ANKRD35: variants seen among roughly 807,000 people sequenced by gnomAD.
ANKRD35 encodes the protein ankyrin repeat domain-containing protein 35.
ANKRD35 carries 102 observed loss-of-function variants against 109.9 expected under a neutral mutation model. That is an observed-to-expected ratio of 0.93 (90% CI 0.79 to 1.09). The LOEUF is 1.09. ANKRD35 is among the 50% of genes least tolerant of loss of function. ANKRD35 has a pLI of 0.00. For synonymous variants in ANKRD35, 515 were observed against 512.4 expected (o/e 1.01, Z -0.07); for missense variants, 1,240 against 1,230.1 (o/e 1.01, Z -0.12).
intron 4 of ANKRD35, 95 bp from the exon 5 acceptor site, chr1:145,876,968 G>A (rs778974742): frequency 7.9e-7 from 1 of 1,268,542 alleles, no homozygotes; most frequent in Non-Finnish European, 1.1e-6. Context: ...GGTAATATGA[G>A]GAGGGGCAGG....
chr1:145,877,963 C>T lies in ANKRD35; in HGVS notation c.324+5G>A. 2.5e-6 allele frequency: 4 copies of T among 1,613,864 alleles called. No individual in the cohort carries two copies. The highest frequency in any genetic ancestry group is 3.4e-6 in the Non-Finnish European group (4 of 1,179,818). On this transcript the variant is annotated splice_donor_5th_base_variant and intron_variant, in intron 4 of 13. Coordinates refer to ENST00000355594, the MANE Select transcript of ANKRD35 (RefSeq NM_144698.5). The stretch of plus-strand genomic sequence containing the variant: ...ATAAGAGTGGTATCAAGGGACTGCT[C>T]TTACCTGAAGCAGAACCTTAACACA...
At chr1:145,883,047 C>T (rs1200791004) in intron 1 of ANKRD35, among the ~76,000 whole-genome samples, 1 of 149,806 alleles carries the variant, frequency 6.7e-6, no homozygotes, top group Non-Finnish European at 1.5e-5. Flanking sequence ...ACCTAATTCT[C>T]AACGTTGTAA....
chr1:145,872,671 C>T lies in ANKRD35; in HGVS notation c.2098G>A (p.Gly700Ser), dbSNP rs782573218. 1.2e-6 allele frequency: 2 copies of T among 1,614,002 alleles called. No individual in the cohort carries two copies. Among genetic ancestry groups the T allele is most frequent in the African/African-American group, 2.7e-5 (2 of 74,940 alleles). ...LRKLLASQSS[G>S]LRGLWDCLPA... ...AGGCAGTCCCACAGCCCTCGGAGAC[C>T]GCTGCTCTGGGAGGCCAGGAGCTTC... The change falls in exon 10 of 14, where the codon GGT (glycine) becomes AGT (serine). Residue 700 changes from glycine (G) to serine (S), a missense_variant. Coordinates refer to ENST00000355594, the MANE Select transcript of ANKRD35 (RefSeq NM_144698.5).
At chr1:145,879,428 G>T in intron 1 of ANKRD35, 40 bp from the exon 2 acceptor site, 1 of 1,405,804 alleles carries the variant, frequency 7.1e-7, no homozygotes, top group East Asian at 2.7e-5. Flanking sequence ...TAGGGCATGA[G>T]GGTAGTGTGG....
At chr1:145,869,972 C>T (rs587773331) in intron 10 of ANKRD35, among the ~76,000 whole-genome samples, 1 of 152,132 alleles carries the variant, frequency 6.6e-6, no homozygotes, top group South Asian at 2.1e-4. Flanking sequence ...GTCCTTATGG[C>T]TTATTGAGGC....
At position 145,885,844 on chromosome 1, in the gene ANKRD35, G is replaced by A. The variant is rs1654457223; in HGVS notation, c.-86C>T. 2.0e-6 allele frequency: 2 copies of A among 1,008,904 alleles called. No homozygotes were observed. Among genetic ancestry groups the A allele is most frequent in the Admixed American group, 3.7e-5 (2 of 54,168 alleles). 62.5% of individuals were successfully genotyped at this position (1,008,904 alleles called of 1,614,324 possible). On this transcript the variant is annotated 5_prime_UTR_variant, in exon 1 of 14. Coordinates refer to ENST00000355594, the MANE Select transcript of ANKRD35 (RefSeq NM_144698.5). ...ACCCACCGGACTTGGCTGCGGCTGT[G>A]CAAGAGACAGCTGTCAAAAAGCAGA... is the stretch of plus-strand genomic sequence containing the variant.
Position 145,872,144 on chromosome 1 carries a change from G to C in ANKRD35, c.2625C>G (p.Ala875=). The C allele has an allele frequency of 6.2e-7, 1 of 1,609,148 alleles. No homozygotes were observed. The highest frequency in any genetic ancestry group is 8.5e-7 in the Non-Finnish European group (1 of 1,178,060). Residue 875 remains alanine, a synonymous_variant, in exon 10 of 14, where the codon GCC becomes GCG. Coordinates refer to ENST00000355594, the MANE Select transcript of ANKRD35 (RefSeq NM_144698.5). ...REVGRLREAV[A]EERRRSGDLA... ...GGTCCCCGCTCCGGCGGCGCTCCTC[G>C]GCCACCGCCTCCCGCAGCCGACCCA...
intron 1 of ANKRD35, among the ~76,000 whole-genome samples, chr1:145,879,947 GGC>G (rs1491384434): frequency 1.3e-5 from 2 of 152,108 alleles, no homozygotes; most frequent in Non-Finnish European, 2.9e-5. Flanking sequence ...ATTGGCTTTG[GGC>G]CCCACAGTTA....
rs150447618 is a variant in ANKRD35, at chr1:145,876,601, C to T, written c.421G>A (p.Asp141Asn). Reference protein sequence around the residue: ...GCASSVLLLCDHEAFLDVLDN... With the variant: ...GCASSVLLLCNHEAFLDVLDN... ...AACACGTCCAGGAAGGCTTCGTGGT[C>T]ACACAGCAGGAGCACACTTGAGGCA... The change falls in exon 6 of 14, where the codon GAC becomes AAC. Residue 141 changes from aspartate to asparagine, a missense_variant. Transcript: ENST00000355594. 18 of 1,614,018 alleles carry T rather than the reference C, an allele frequency of 1.1e-5. No homozygotes were observed. The highest frequency in any genetic ancestry group is 1.5e-5 in the Non-Finnish European group (18 of 1,180,036).
intron 7 of ANKRD35, among the ~76,000 whole-genome samples, chr1:145,875,478 C>T (rs1459071593): frequency 1.3e-5 from 2 of 151,962 alleles, no homozygotes; most frequent in African/African-American, 4.8e-5. Flanking sequence ...TTCCTTAGAG[C>T]TGCAGGAACA....
chr1:145,879,542 G>A (rs1553740769), intron 1 of ANKRD35, among the ~76,000 whole-genome samples, 154 bp from the exon 2 acceptor site: 1 of 151,836 alleles, frequency 6.6e-6, no homozygotes, highest in East Asian at 1.9e-4. Context: ...TCCTTCTTAG[G>A]TGGGCCTAGC....
At position 145,868,403 on chromosome 1, in the gene ANKRD35, G is replaced by A. The variant is rs781875392; in HGVS notation, c.2788-3C>T. ...AGCTTCTTCAACAACTCCTTGATCTGAGGCCAAGAGGAAAGAGGCAACCAA... is the reference window on the plus strand; with the variant it reads ...AGCTTCTTCAACAACTCCTTGATCTAAGGCCAAGAGGAAAGAGGCAACCAA... On this transcript the variant is annotated splice_region_variant and splice_polypyrimidine_tract_variant and intron_variant, in intron 10 of 13. Coordinates refer to ENST00000355594, the MANE Select transcript of ANKRD35 (RefSeq NM_144698.5). The A allele has an allele frequency of 1.2e-6, 2 of 1,613,936 alleles. No individual in the cohort carries two copies. The highest frequency in any genetic ancestry group is 2.7e-5 in the African/African-American group (2 of 74,904).
rs201304020 is a variant in ANKRD35, at chr1:145,885,695, T to A, written c.39+25A>T. Reference sequence around the variant, plus strand: ...CCACAGAGCTGGGATCCCAACCCCATCCTCCCACACATTTTGGCACCTACC... The same window carrying A: ...CCACAGAGCTGGGATCCCAACCCCAACCTCCCACACATTTTGGCACCTACC... On this transcript the variant is annotated intron_variant, in intron 1 of 13. Coordinates refer to ENST00000355594, the MANE Select transcript of ANKRD35 (RefSeq NM_144698.5). The A allele has an allele frequency of 1.3e-4, 214 of 1,613,138 alleles. 2 individuals are homozygous for A. The highest frequency in any genetic ancestry group is 3.1e-5 in the Non-Finnish European group (37 of 1,179,294).
Position 145,878,418 on chromosome 1 carries a change from C to A in ANKRD35, c.232G>T (p.Ala78Ser). The stretch of plus-strand genomic sequence containing the variant: ...TCCTCATTCTTGCTGTTGATGTCAG[C>A]CCCATTTGCAAGCAGGATAGTCAGA... ...ECLTILLANGADINSKNEDGS... is the reference protein window; with the variant it reads ...ECLTILLANGSDINSKNEDGS... Residue 78 changes from alanine to serine, a missense_variant, in exon 3 of 14, where the codon GCT becomes TCT. Transcript: ENST00000355594. The A allele has an allele frequency of 6.4e-7, 1 of 1,570,376 alleles. No individual in the cohort carries two copies. Among genetic ancestry groups the A allele is most frequent in the Middle Eastern group, 1.7e-4 (1 of 6,014 alleles).
At chr1:145,867,598 C>T (rs1385437719) in intron 12 of ANKRD35, among the ~76,000 whole-genome samples, 1 of 152,122 alleles carries the variant, frequency 6.6e-6, no homozygotes, top group Non-Finnish European at 1.5e-5. Flanking sequence ...AGGATTACAA[C>T]CATGAATATG....
intron 10 of ANKRD35, among the ~76,000 whole-genome samples, chr1:145,869,264 C>T (rs1653720540): frequency 6.6e-6 from 1 of 151,946 alleles, no homozygotes; most frequent in African/African-American, 2.4e-5. Context: ...CTCACTGCAA[C>T]ATCTGCCTCC....
In ANKRD35 at chr1:145,873,975, G is replaced by C; in HGVS notation, c.794C>G (p.Ser265Cys). Reference sequence around the variant, plus strand: ...AGGAGGAGAACCTGCCTGGGGCTCAGATGGAGAGGCCTATGTTGGAAACAG... The same window carrying C: ...AGGAGGAGAACCTGCCTGGGGCTCACATGGAGAGGCCTATGTTGGAAACAG... Reference protein sequence around the residue: ...HPDLASQASPSEPQAGSPPKS... With the variant: ...HPDLASQASPCEPQAGSPPKS... The change falls in exon 10 of 14, where the codon TCT becomes TGT. Residue 265 changes from serine to cysteine, a missense_variant. By Grantham distance (112) the Ser-to-Cys change is moderately radical. Transcript: ENST00000355594. 1 of 1,613,972 alleles carries C rather than the reference G, an allele frequency of 6.2e-7. No homozygotes were observed. The highest frequency in any genetic ancestry group is 8.5e-7 in the Non-Finnish European group (1 of 1,179,970).
chr1:145,874,115 G>T (rs1653969050), intron 9 of ANKRD35, 40 bp downstream of exon 9: 2 of 1,613,280 alleles, frequency 1.2e-6, no homozygotes, highest in South Asian at 1.1e-5. Context: ...ATAGCCTGGG[G>T]TGTGTCAAAA....
chr1:145,885,023 AC>A (rs1654426462), intron 1 of ANKRD35, among the ~76,000 whole-genome samples: 1 of 152,178 alleles, frequency 6.6e-6, no homozygotes, highest in South Asian at 2.1e-4. Context: ...GGGACTGGCG[AC>A]CACTGGGCAG....
Sources: allele counts gnomAD v4.1 joint callset (sites outside exome capture counted in the v4.1 genomes callset), GRCh38; gene constraint gnomAD v4.1.1; transcripts MANE v1.5; gene names NCBI Gene and HGNC (gene_info 2026-07-23, HGNC 2026-07-21).